Variants in DDX31 observed in about 807,000 individuals in gnomAD.
The protein encoded by DDX31 is ATP-dependent DNA helicase DDX31.
DDX31 carries 70 observed loss-of-function variants against 91.3 expected under a neutral mutation model. The observed-to-expected ratio is 0.77, with a 90% CI of 0.63 to 0.94. The LOEUF (loss-of-function observed/expected upper bound fraction) is 0.94. DDX31 is among the 40% of genes least tolerant of loss of function. The pLI is 0.00. For synonymous variants in DDX31, 362 were observed against 350.6 expected (o/e 1.03, Z -0.36); for missense variants, 902 against 925.0 (o/e 0.98, Z 0.32).
intron 1 of DDX31, among the ~76,000 whole-genome samples, chr9:132,665,334 T>C (rs1835238071): frequency 6.6e-6 from 1 of 152,202 alleles, no homozygotes. Context: ...GAAGCTTCGT[T>C]CTGAAGATAC....
At chr9:132,635,998 G>A (rs1456615057) in intron 14 of DDX31, among the ~76,000 whole-genome samples, 2 of 152,090 alleles carry the variant, frequency 1.3e-5, no homozygotes, top group South Asian at 2.1e-4. Context: ...TTCCCCCAGC[G>A]TCGGAGGCAG....
In DDX31 at chr9:132,612,273, G is replaced by T; in HGVS notation, c.1826-18C>A. On this transcript the variant is annotated intron_variant, in intron 18 of 19. Coordinates refer to ENST00000372159, the MANE Select transcript of DDX31 (RefSeq NM_022779.9). ...CTGCAGAGCTGAAAGAAAAGAGAGC[G>T]GGGAGGGAAGCTGTCAGGACCGGGG... The T allele has an allele frequency of 6.2e-7, 1 of 1,613,902 alleles. No individual in the cohort carries two copies. Among genetic ancestry groups the T allele is most frequent in the Non-Finnish European group, 8.5e-7 (1 of 1,179,954 alleles).
chr9:132,658,589 G>T, intron 6 of DDX31, 82 bp downstream of exon 6: 1 of 1,276,712 alleles, frequency 7.8e-7, no homozygotes. Context: ...GATTCTTTTA[G>T]TCCTAATATT....
In DDX31 at chr9:132,659,791, CG is replaced by C. The variant is rs777812471; in HGVS notation, c.453-12del. 6 of 1,611,402 alleles carry C rather than the reference CG, an allele frequency of 3.7e-6. No individual in the cohort carries two copies. The Admixed American group carries it at 8.4e-5, about 22-fold the overall frequency. On this transcript the variant is annotated splice_polypyrimidine_tract_variant and intron_variant, in intron 4 of 19. Coordinates refer to ENST00000372159, the MANE Select transcript of DDX31 (RefSeq NM_022779.9). ...CTTTGCTTCTGAACACTGGGCCACCCGAAAAAAAGAACACACTTTACCTATA... is the reference window on the plus strand; with the variant it reads ...CTTTGCTTCTGAACACTGGGCCACCCAAAAAAAGAACACACTTTACCTATA...
chr9:132,600,047 T>C (rs1196546889), intron 19 of DDX31, among the ~76,000 whole-genome samples: 2 of 152,226 alleles, frequency 1.3e-5, no homozygotes, highest in Non-Finnish European at 2.9e-5. Flanking sequence ...TCCAGGGGAA[T>C]GTGACAAGCG....
At chr9:132,644,719 C>A (rs1833713920) in intron 13 of DDX31, among the ~76,000 whole-genome samples, 1 of 152,168 alleles carries the variant, frequency 6.6e-6, no homozygotes, top group South Asian at 2.1e-4. Context: ...AAAACGGATT[C>A]ACAGGATTAG....
At position 132,662,713 on chromosome 9, in the gene DDX31, G is replaced by A. The variant is rs1835056250; in HGVS notation, c.76-18C>T. The A allele has an allele frequency of 2.5e-6, 4 of 1,613,632 alleles. No individual in the cohort carries two copies. The highest frequency in any genetic ancestry group is 3.4e-6 in the Non-Finnish European group (4 of 1,179,926). On this transcript the variant is annotated intron_variant, in intron 1 of 19. Transcript: ENST00000372159. ...TTTGCTTGCTGCGTTGTTCCCAGAA[G>A]GAAAGATCAACAAGAGATGCATTAG...
chr9:132,652,211 T>C (rs76445870), intron 7 of DDX31, among the ~76,000 whole-genome samples: 1,815 of 152,274 alleles, frequency 0.012, 34 homozygotes, highest in African/African-American at 0.041. Flanking sequence ...TAAACAGACA[T>C]TTAATAGTAT....
intron 11 of DDX31, 34 bp from the exon 12 acceptor site, chr9:132,647,092 C>G: frequency 6.2e-7 from 1 of 1,602,314 alleles, no homozygotes; most frequent in African/African-American, 1.3e-5. Flanking sequence ...AAGCAGACAA[C>G]AAACACACCA....
Position 132,663,197 on chromosome 9 carries a change from C to A in DDX31, c.76-502G>T, listed in dbSNP as rs1258338425. On this transcript the variant is annotated intron_variant, in intron 1 of 19. Coordinates refer to ENST00000372159, the MANE Select transcript of DDX31 (RefSeq NM_022779.9). ...GGGGGAATGCGCATCTCAGCCCGTGCCCAGGAAGCGGAAACATTCATTACC... is the reference window on the plus strand; with the variant it reads ...GGGGGAATGCGCATCTCAGCCCGTGACCAGGAAGCGGAAACATTCATTACC... 2.3e-6 allele frequency: 3 copies of A among 1,289,410 alleles called. No individual in the cohort carries two copies. In the Admixed American group the frequency reaches 6.9e-5, roughly 30 times the overall value. 79.9% of individuals were successfully genotyped at this position (1,289,410 alleles called of 1,614,324 possible).
intron 13 of DDX31, among the ~76,000 whole-genome samples, chr9:132,643,857 G>C (rs980875352): frequency 2.0e-5 from 3 of 151,044 alleles, no homozygotes; most frequent in Non-Finnish European, 2.9e-5. Flanking sequence ...AAAAAAATCA[G>C]AAAGTTCATA....
intron 17 of DDX31, among the ~76,000 whole-genome samples, chr9:132,620,420 C>G (rs1448314193): frequency 1.9e-5 from 2 of 107,376 alleles, no homozygotes; most frequent in South Asian, 6.0e-4. Context: ...TCTTCCCAAC[C>G]AAAAAAAAAA....
At chr9:132,645,629 T>G (rs1833781804) in intron 13 of DDX31, among the ~76,000 whole-genome samples, 1 of 152,168 alleles carries the variant, frequency 6.6e-6, no homozygotes, top group African/African-American at 2.4e-5. Context: ...CCAGGGCCTG[T>G]GAGCTCTCTC....
At chr9:132,612,538 G>A (rs1326609011) in intron 18 of DDX31, among the ~76,000 whole-genome samples, 1 of 152,140 alleles carries the variant, frequency 6.6e-6, no homozygotes, top group African/African-American at 2.4e-5. Flanking sequence ...CCACAGGGTG[G>A]GGCCCAGCAC....
In DDX31 at chr9:132,669,466, A is replaced by G. The variant is rs1590123201; in HGVS notation, c.75+394T>C. On this transcript the variant is annotated intron_variant, in intron 1 of 19. Coordinates refer to ENST00000372159, the MANE Select transcript of DDX31 (RefSeq NM_022779.9). ...ACTCTTCCCAGACAGGAATGTGGGC[A>G]AGATAAAAAAAAAAATCAGAGCTTA... The G allele has an allele frequency of 4.4e-6, 3 of 676,726 alleles. No homozygotes were observed. The East Asian group carries it at 1.7e-4, about 39-fold the overall frequency. The allele number at this position is 676,726 out of a possible 1,614,324, so 41.9% of individuals were successfully genotyped here. A position where few individuals can be genotyped will look rare whatever the true frequency, so the allele number is the denominator to read the frequency against.
intron 19 of DDX31, among the ~76,000 whole-genome samples, chr9:132,597,236 A>G (rs1421570702): frequency 6.6e-6 from 1 of 152,152 alleles, no homozygotes; most frequent in African/African-American, 2.4e-5. Context: ...AGTGCGGACC[A>G]TGTGCACCAG....
chr9:132,663,448 C>T, intron 1 of DDX31: 1 of 985,424 alleles, frequency 1.0e-6, no homozygotes, highest in Non-Finnish European at 1.2e-6. Flanking sequence ...CACTAGGGAT[C>T]TCTTGCCTGT....
At chr9:132,669,664 A>G (rs1835592719) in intron 1 of DDX31, 196 bp downstream of exon 1, 1 of 1,532,106 alleles carries the variant, frequency 6.5e-7, no homozygotes. Context: ...CCCCGCTTCC[A>G]GGCGCATCCC....
At chr9:132,659,843 G>T in intron 4 of DDX31, 63 bp from the exon 5 acceptor site, 1 of 1,534,388 alleles carries the variant, frequency 6.5e-7, no homozygotes, top group Admixed American at 1.8e-5. Flanking sequence ...CAGAGACGCA[G>T]GATACATAAA....
Sources: gnomAD v4.1 joint callset for allele counts (sites outside exome capture counted in the v4.1 genomes callset) on GRCh38, gnomAD v4.1.1 for gene constraint, MANE v1.5 for transcripts, NCBI Gene and HGNC (gene_info 2026-07-23, HGNC 2026-07-21) for gene names.